Variants in LYRM4 observed in about 807,000 individuals in gnomAD.
LYRM4 encodes LYR motif containing 4, also known as LYR motif-containing protein 4.
LYRM4 carries 9 observed loss-of-function variants against 11.7 expected under a neutral mutation model. That is an observed-to-expected ratio of 0.77 (90% confidence interval 0.46 to 1.34). The LOEUF is 1.34. LYRM4 is among the 40% of genes most tolerant of loss of function. The pLI is 0.00. For synonymous variants in LYRM4, 42 were observed against 40.4 expected, an observed-to-expected ratio of 1.04 and a Z score of -0.15; for missense variants, 133 against 112.5, an observed-to-expected ratio of 1.18 and a Z score of -0.82.
At chr6:5,236,002 A>G (rs1158106323) in intron 1 of LYRM4, among the ~76,000 whole-genome samples, 2 of 152,234 alleles carry the variant, frequency 1.3e-5, no homozygotes, top group South Asian at 2.1e-4. Flanking sequence ...AGGGAACTCT[A>G]TGTCAACAAA....
chr6:5,150,626 C>T (rs1758034431), intron 2 of LYRM4, among the ~76,000 whole-genome samples: 1 of 152,158 alleles, frequency 6.6e-6, no homozygotes, highest in Admixed American at 6.5e-5. Flanking sequence ...CCTTGAAAAG[C>T]ATCTGAGATA....
intron 2 of LYRM4, among the ~76,000 whole-genome samples, chr6:5,156,698 T>C (rs897959370): frequency 6.6e-6 from 1 of 151,794 alleles, no homozygotes. Flanking sequence ...CGAATCCAGA[T>C]CTCCTATAAT....
chr6:5,230,710 C>T (rs549979982), intron 1 of LYRM4, among the ~76,000 whole-genome samples: 1 of 152,212 alleles, frequency 6.6e-6, no homozygotes, highest in Admixed American at 6.5e-5. Context: ...AGATGTCTTC[C>T]TTAAAATTTC....
intron 1 of LYRM4, among the ~76,000 whole-genome samples, chr6:5,254,088 T>C (rs2127776480): frequency 6.6e-6 from 1 of 152,306 alleles, no homozygotes; most frequent in Non-Finnish European, 1.5e-5. Context: ...AACTGTTTCA[T>C]CTGAGAAGTA....
At chr6:5,113,269 C>A (rs1191900325) in intron 2 of LYRM4, 5 of 430,154 alleles carry the variant, frequency 1.2e-5, no homozygotes, top group Admixed American at 2.5e-5. Context: ...CCTGTCTCTA[C>A]TAAAAATATA....
intron 2 of LYRM4, among the ~76,000 whole-genome samples, chr6:5,203,387 C>G (rs1170217715): frequency 1.4e-4 from 21 of 152,140 alleles, no homozygotes; most frequent in Admixed American, 1.4e-3. Context: ...CCTAATGGCT[C>G]CTGGTCCTGC....
intron 2 of LYRM4, among the ~76,000 whole-genome samples, chr6:5,150,766 G>C (rs1758043149): frequency 6.6e-6 from 1 of 152,190 alleles, no homozygotes. Context: ...TTGAGTTGTA[G>C]AACTACAGCT....
At chr6:5,168,796 T>C (rs892747485) in intron 2 of LYRM4, among the ~76,000 whole-genome samples, 1 of 152,176 alleles carries the variant, frequency 6.6e-6, no homozygotes, top group African/African-American at 2.4e-5. Flanking sequence ...GAGAACACGC[T>C]TCTTCTTAGG....
At chr6:5,188,294 G>A (rs1281498510) in intron 2 of LYRM4, among the ~76,000 whole-genome samples, 1 of 151,950 alleles carries the variant, frequency 6.6e-6, no homozygotes, top group South Asian at 2.1e-4. Flanking sequence ...TGGGAGGATC[G>A]CTTGAGCACC....
chr6:5,094,496 A>G, the LYRM4 span, among the ~76,000 whole-genome samples: 1 of 152,218 alleles, frequency 6.6e-6, no homozygotes, highest in Non-Finnish European at 1.5e-5. Flanking sequence ...AACAAAAACA[A>G]AACAACAAAT....
At chr6:5,256,318 C>T (rs540570153) in intron 1 of LYRM4, among the ~76,000 whole-genome samples, 3 of 151,372 alleles carry the variant, frequency 2.0e-5, no homozygotes, top group Non-Finnish European at 2.9e-5. Context: ...GGTGAAACCC[C>T]GCCTCTACTA....
At chr6:5,221,365 A>G (rs550746803) in intron 1 of LYRM4, among the ~76,000 whole-genome samples, 1 of 152,310 alleles carries the variant, frequency 6.6e-6, no homozygotes, top group Admixed American at 6.5e-5. Context: ...GCACTTGTCA[A>G]CTAAAATATA....
intron 2 of LYRM4, among the ~76,000 whole-genome samples, chr6:5,170,571 G>T (rs1286848862): frequency 6.6e-6 from 1 of 152,122 alleles, no homozygotes; most frequent in Non-Finnish European, 1.5e-5. Flanking sequence ...CGCGATCTCG[G>T]CTCACTGTAA....
chr6:5,220,680 A>T (rs951956434), intron 1 of LYRM4, among the ~76,000 whole-genome samples: 1 of 152,088 alleles, frequency 6.6e-6, no homozygotes, highest in Non-Finnish European at 1.5e-5. Context: ...CAGATCACTG[A>T]TTCACCCTTA....
chr6:5,085,976 T>C, the LYRM4 span: 27 of 1,526,892 alleles, frequency 1.8e-5, no homozygotes, highest in African/African-American at 3.5e-4. Context: ...CTCTCGCGCC[T>C]CCGAAGCTTC....
At chr6:5,213,325 G>C (rs557023476) in intron 2 of LYRM4, among the ~76,000 whole-genome samples, 1 of 152,320 alleles carries the variant, frequency 6.6e-6, no homozygotes, top group African/African-American at 2.4e-5. Context: ...TATGGGACGC[G>C]GGGGTGGAGG....
At chr6:5,250,537 T>C (rs1403428967) in intron 1 of LYRM4, among the ~76,000 whole-genome samples, 1 of 152,210 alleles carries the variant, frequency 6.6e-6, no homozygotes, top group Non-Finnish European at 1.5e-5. Flanking sequence ...AAAATGTTTT[T>C]TGGAAACTCC....
chr6:5,047,983 A>T, the LYRM4 span, among the ~76,000 whole-genome samples: 1 of 152,176 alleles, frequency 6.6e-6, no homozygotes, highest in Non-Finnish European at 1.5e-5. Context: ...TAAAAATCAG[A>T]CAGCATCAAT....
At chr6:5,083,243 G>A in the LYRM4 span, among the ~76,000 whole-genome samples, 5 of 152,210 alleles carry the variant, frequency 3.3e-5, no homozygotes, top group African/African-American at 1.2e-4. Flanking sequence ...AAATCTCTTT[G>A]AAGTCTTATT....
Sources: gnomAD v4.1 joint callset for allele counts (sites outside exome capture counted in the v4.1 genomes callset) on GRCh38, gnomAD v4.1.1 for gene constraint, MANE v1.5 for transcripts, NCBI Gene and HGNC (gene_info 2026-07-23, HGNC 2026-07-21) for gene names.